The following BTBD8 variants were observed in gnomAD, a reference collection of about 807,000 sequenced individuals.
BTBD8 encodes BTB domain containing 8.
In BTBD8, 110 loss-of-function variants were observed where a neutral mutation model predicts 162.9. The ratio of observed to expected loss-of-function variants is 0.68; its 90% CI spans 0.58 to 0.79. BTBD8 has a LOEUF of 0.79. Among genes scored for constraint, BTBD8 ranks in the 30% least tolerant of loss-of-function variants. The probability of loss-of-function intolerance (pLI) is 0.00; values close to 1 mark genes in which losing one functional copy is unlikely to be tolerated. For synonymous variants in BTBD8, 667 were observed against 716.1 expected (o/e 0.93, Z 1.10); for missense variants, 1,905 against 2,085.4 (o/e 0.91, Z 1.68).
intron 4 of BTBD8, among the ~76,000 whole-genome samples, chr1:92,121,901 G>T (rs1324048240): frequency 2.0e-5 from 3 of 151,560 alleles, no homozygotes; most frequent in Non-Finnish European, 4.4e-5. Flanking sequence ...GAGCTCCTGG[G>T]CTTAAGGGAT....
At chr1:92,104,697 A>G (rs891457863) in intron 3 of BTBD8, among the ~76,000 whole-genome samples, 2 of 152,016 alleles carry the variant, frequency 1.3e-5, no homozygotes, top group African/African-American at 2.4e-5. Flanking sequence ...CTTAACAGAC[A>G]TTTTTTTGCC....
intron 2 of BTBD8, among the ~76,000 whole-genome samples, chr1:92,093,278 C>T (rs922910324): frequency 1.4e-5 from 2 of 143,938 alleles, no homozygotes; most frequent in Non-Finnish European, 3.0e-5. Flanking sequence ...CTGCAACCTT[C>T]ACCTCCCAGG....
chr1:92,164,092 T>C (rs538987194), intron 9 of BTBD8, among the ~76,000 whole-genome samples: 1 of 152,220 alleles, frequency 6.6e-6, no homozygotes, highest in Non-Finnish European at 1.5e-5. Context: ...AGGAAGTCAC[T>C]GGAAGAGGAA....
chr1:92,178,141 C>T (rs997853284), intron 15 of BTBD8, among the ~76,000 whole-genome samples, 171 bp from the exon 16 acceptor site: 1 of 151,922 alleles, frequency 6.6e-6, no homozygotes, highest in Non-Finnish European at 1.5e-5. Flanking sequence ...CTTTATTATA[C>T]TTGATCTACA....
chr1:92,134,952 C>T (rs1234874), intron 5 of BTBD8, among the ~76,000 whole-genome samples: 4,715 of 150,440 alleles, frequency 0.031, 91 homozygotes, highest in African/African-American at 0.038. Flanking sequence ...AGTGCAGTGG[C>T]GTGATCTCGG....
At chr1:92,149,858 C>T (rs1650007119) in intron 9 of BTBD8, among the ~76,000 whole-genome samples, 1 of 152,162 alleles carries the variant, frequency 6.6e-6, no homozygotes, top group African/African-American at 2.4e-5. Context: ...AGCGTCCAGA[C>T]TGGAGGCAGT....
At chr1:92,136,539 C>A (rs1649639738) in intron 5 of BTBD8, among the ~76,000 whole-genome samples, 1 of 152,052 alleles carries the variant, frequency 6.6e-6, no homozygotes, top group Non-Finnish European at 1.5e-5. Flanking sequence ...TTCTTCTGAT[C>A]CTGGGGGTAT....
At chr1:92,176,572 TTTTA>T (rs1650716389) in intron 13 of BTBD8, among the ~76,000 whole-genome samples, 2 of 152,192 alleles carry the variant, frequency 1.3e-5, no homozygotes, top group South Asian at 4.1e-4. Context: ...AAAGCCTTCC[TTTTA>T]TTTATTTATT....
chr1:92,183,789 G>GTGTTAATA (rs1650994474), intron 17 of BTBD8, 75 bp from the exon 18 acceptor site: 1 of 532,248 alleles, frequency 1.9e-6, no homozygotes, highest in Non-Finnish European at 2.9e-6. Context: ...CTGTTATATT[G>GTGTTAATA]TGTTAATATT....
At chr1:92,157,682 GGGA>G (rs1355450360) in intron 9 of BTBD8, among the ~76,000 whole-genome samples, 1 of 151,340 alleles carries the variant, frequency 6.6e-6, no homozygotes, top group African/African-American at 2.4e-5. Flanking sequence ...TTTCTTGGTA[GGGA>G]TAGGGTCTTG....
In BTBD8 at chr1:92,153,620, G is replaced by T. The variant is rs569179876; in HGVS notation, c.1122+5834G>T. Among the ~76,000 whole-genome samples, 10 of 152,254 alleles carry T rather than the reference G, an allele frequency of 6.6e-5. No homozygotes were observed. The South Asian group carries it at 2.1e-3, about 32-fold the overall frequency. ...AGCATACAGTATTTGCCTTTTCTGT[G>T]ACTGGCCTATTTCACTTAGGATAAT... On this transcript the variant is annotated intron_variant, in intron 9 of 17. Transcript: ENST00000636805.
At chr1:92,128,058 T>TG (rs1389255938) in intron 4 of BTBD8, among the ~76,000 whole-genome samples, 1 of 152,198 alleles carries the variant, frequency 6.6e-6, no homozygotes, top group African/African-American at 2.4e-5. Flanking sequence ...GAGTCTGAAC[T>TG]GTATTTCAAT....
At chr1:92,140,525 T>A (rs1649752527) in intron 6 of BTBD8, among the ~76,000 whole-genome samples, 1 of 152,182 alleles carries the variant, frequency 6.6e-6, no homozygotes, top group Admixed American at 6.5e-5. Context: ...ATACCATGAG[T>A]CCCAGGATTT....
intron 13 of BTBD8, among the ~76,000 whole-genome samples, chr1:92,171,895 A>C (rs907001168): frequency 1.3e-5 from 2 of 152,284 alleles, no homozygotes; most frequent in Admixed American, 1.3e-4. Context: ...GTTCGAGAGC[A>C]GCCAGGCCAA....
At chr1:92,150,674 A>C (rs953948531) in intron 9 of BTBD8, 1 of 152,200 alleles carries the variant, frequency 6.6e-6, no homozygotes, top group Non-Finnish European at 1.5e-5. Context: ...ACAGGATACC[A>C]TTCCAGCGCA....
chr1:92,087,959 C>A (rs1220601997), intron 1 of BTBD8, among the ~76,000 whole-genome samples: 1 of 152,142 alleles, frequency 6.6e-6, no homozygotes, highest in Non-Finnish European at 1.5e-5. Flanking sequence ...TATATTATGA[C>A]ATTTTCTATT....
At chr1:92,137,608 A>G (rs905201819) in intron 5 of BTBD8, among the ~76,000 whole-genome samples, 3 of 152,214 alleles carry the variant, frequency 2.0e-5, no homozygotes, top group Non-Finnish European at 4.4e-5. Flanking sequence ...AAGACAAAAT[A>G]ATCAGTAAGT....
At chr1:92,112,545 T>A (rs1648927453) in intron 4 of BTBD8, among the ~76,000 whole-genome samples, 1 of 152,218 alleles carries the variant, frequency 6.6e-6, no homozygotes, top group Admixed American at 6.5e-5. Context: ...TATTTCTTCT[T>A]AAGTTAGAGT....
chr1:92,109,977 A>G (rs1648847706), intron 4 of BTBD8, among the ~76,000 whole-genome samples: 1 of 152,212 alleles, frequency 6.6e-6, no homozygotes, highest in African/African-American at 2.4e-5. Context: ...AGGTATCAAC[A>G]TTTTTAAAAC....
Sources: allele counts gnomAD v4.1 joint callset (sites outside exome capture counted in the v4.1 genomes callset), GRCh38; gene constraint gnomAD v4.1.1; transcripts MANE v1.5; gene names NCBI Gene and HGNC (gene_info 2026-07-23, HGNC 2026-07-21).